RALYL: variants seen among roughly 807,000 people sequenced by gnomAD.
RALYL encodes RNA-binding Raly-like protein.
In RALYL, 29 loss-of-function variants were observed where a neutral mutation model predicts 35.1. That is an observed-to-expected ratio of 0.83 (90% CI 0.61 to 1.13). The LOEUF (loss-of-function observed/expected upper bound fraction) is 1.13, where lower values mean the gene tolerates loss of function less well. RALYL is among the 50% of genes most tolerant of loss of function. The pLI, the probability that RALYL is intolerant of heterozygous loss-of-function variation, is 0.00. For synonymous variants in RALYL, 120 were observed against 127.6 expected (o/e 0.94, Z 0.40); for missense variants, 359 against 360.4 (o/e 1.00, Z 0.03).
chr8:84,530,735 T>G lies in RALYL; in HGVS notation c.256+1158T>G, dbSNP rs2059224202. Among the ~76,000 whole-genome samples, 3 of 152,156 alleles carry G rather than the reference T, an allele frequency of 2.0e-5. No homozygotes were observed. The South Asian group carries it at 6.2e-4, about 31-fold the overall frequency. On this transcript the variant is annotated intron_variant, in intron 2 of 8. Coordinates refer to ENST00000521268, the MANE Select transcript of RALYL (RefSeq NM_173848.7). ...TCTTAACCTGCTTTTAAACCTCTAA[T>G]GCCTTTCTCATACAGAATAAGATTC... is the stretch of plus-strand genomic sequence containing the variant.
At chr8:84,876,298 G>A (rs924609067) in intron 7 of RALYL, among the ~76,000 whole-genome samples, 81 of 152,068 alleles carry the variant, frequency 5.3e-4, no homozygotes, top group African/African-American at 1.9e-3. Flanking sequence ...TGTATATTCT[G>A]GCTTCTAAAA....
At chr8:84,755,164 A>G (rs902684461) in intron 2 of RALYL, among the ~76,000 whole-genome samples, 2 of 152,202 alleles carry the variant, frequency 1.3e-5, no homozygotes, top group African/African-American at 4.8e-5. Flanking sequence ...ACAACATAGT[A>G]TGATGCTAGA....
At chr8:84,717,413 C>T (rs1252436406) in intron 2 of RALYL, among the ~76,000 whole-genome samples, 1 of 152,130 alleles carries the variant, frequency 6.6e-6, no homozygotes, top group African/African-American at 2.4e-5. Context: ...TCTTAGATTA[C>T]TACTGGCAGC....
intron 1 of RALYL, among the ~76,000 whole-genome samples, chr8:84,488,926 A>G (rs1308672471): frequency 6.6e-6 from 1 of 152,114 alleles, no homozygotes; most frequent in African/African-American, 2.4e-5. Context: ...TTTTAAAAGA[A>G]CTACTTCTTT....
rs144872528 is a variant in RALYL, at chr8:84,462,641, G to A, written c.-23-66658G>A. ...TGCATGTGGATATCCAGTTGTTCTG[G>A]CATCATTTGTTGTAAAAGGCTTCAT... On this transcript the variant is annotated intron_variant, in intron 1 of 8. Coordinates refer to ENST00000521268, the MANE Select transcript of RALYL (RefSeq NM_173848.7). Among the ~76,000 whole-genome samples, 428 of 143,340 alleles carry A rather than the reference G, an allele frequency of 3.0e-3. 1 individual carries two copies. The highest frequency in any genetic ancestry group is 0.011 in the African/African-American group (412 of 38,776). The allele number at this position is 143,340 out of a possible 152,430, so 94.0% of individuals were successfully genotyped here. A position where few individuals can be genotyped will look rare whatever the true frequency, so the allele number is the denominator to read the frequency against.
intron 3 of RALYL, among the ~76,000 whole-genome samples, chr8:84,784,050 G>A (rs1169629358): frequency 6.6e-6 from 1 of 151,626 alleles, no homozygotes; most frequent in Non-Finnish European, 1.5e-5. Context: ...AATTGGCAGT[G>A]CCATTTAAGG....
intron 8 of RALYL, among the ~76,000 whole-genome samples, chr8:84,889,346 G>A (rs796418888): frequency 1.3e-5 from 2 of 152,256 alleles, no homozygotes; most frequent in African/African-American, 4.8e-5. Context: ...CCTCCATGCT[G>A]CCATTTACAA....
At chr8:84,502,253 A>T (rs2056753452) in intron 1 of RALYL, among the ~76,000 whole-genome samples, 1 of 152,036 alleles carries the variant, frequency 6.6e-6, no homozygotes, top group African/African-American at 2.4e-5. Flanking sequence ...ACTATATAAT[A>T]TCTTGTGGGA....
chr8:84,507,272 C>A (rs1721707772), intron 1 of RALYL, among the ~76,000 whole-genome samples: 1 of 152,024 alleles, frequency 6.6e-6, no homozygotes, highest in African/African-American at 2.4e-5. Flanking sequence ...TGCAGGTACA[C>A]AGAATTAAAT....
chr8:84,265,530 G>A (rs1337396453), intron 1 of RALYL, among the ~76,000 whole-genome samples: 1 of 152,192 alleles, frequency 6.6e-6, no homozygotes, highest in Admixed American at 6.5e-5. Context: ...CCAGATGGAA[G>A]TGAATCCTAC....
intron 1 of RALYL, among the ~76,000 whole-genome samples, chr8:84,317,244 C>G (rs928911071): frequency 2.4e-5 from 2 of 84,632 alleles, no homozygotes; most frequent in Non-Finnish European, 2.3e-5. Context: ...GAGGGCAAAA[C>G]AAAGAATGAA....
chr8:84,639,148 C>T (rs552687474), intron 2 of RALYL, among the ~76,000 whole-genome samples: 24 of 151,238 alleles, frequency 1.6e-4, no homozygotes, highest in African/African-American at 5.6e-4. Context: ...TCGGGAGAAA[C>T]TTACTGGAAT....
chr8:84,539,659 A>G (rs868317397), intron 2 of RALYL, among the ~76,000 whole-genome samples: 2 of 151,790 alleles, frequency 1.3e-5, no homozygotes, highest in African/African-American at 2.4e-5. Flanking sequence ...TACTATTCAC[A>G]TTTAGACTTT....
intron 1 of RALYL, among the ~76,000 whole-genome samples, chr8:84,354,803 T>A (rs778314833): frequency 6.7e-6 from 1 of 150,208 alleles, no homozygotes; most frequent in Admixed American, 6.6e-5. Flanking sequence ...TTATGTTTAT[T>A]ACACTGAGAG....
At chr8:84,639,468 G>GA (rs1825863458) in intron 2 of RALYL, among the ~76,000 whole-genome samples, 2 of 151,892 alleles carry the variant, frequency 1.3e-5, no homozygotes, top group Admixed American at 1.3e-4. Context: ...AAAAAGTGAG[G>GA]AAAGGTATAG....
intron 1 of RALYL, among the ~76,000 whole-genome samples, chr8:84,523,660 C>T (rs1191337454): frequency 4.9e-5 from 2 of 41,014 alleles, no homozygotes; most frequent in Admixed American, 3.4e-4. Flanking sequence ...TGCTATCCCT[C>T]CCCCCTCCCC....
chr8:84,898,325 T>G (rs1018495568), intron 8 of RALYL, among the ~76,000 whole-genome samples: 3 of 151,412 alleles, frequency 2.0e-5, no homozygotes, highest in African/African-American at 7.3e-5. Flanking sequence ...AACAGTAGAG[T>G]TTTCAAAACT....
intron 3 of RALYL, among the ~76,000 whole-genome samples, chr8:84,784,125 T>C (rs1482231978): frequency 1.3e-5 from 2 of 152,204 alleles, no homozygotes; most frequent in Non-Finnish European, 2.9e-5. Flanking sequence ...GTTAGAACCC[T>C]GTGCTCCACC....
intron 2 of RALYL, among the ~76,000 whole-genome samples, chr8:84,747,531 A>T (rs1320271380): frequency 6.6e-6 from 1 of 151,918 alleles, no homozygotes; most frequent in Non-Finnish European, 1.5e-5. Flanking sequence ...ACTTTAGTAC[A>T]TCTGATTATC....
Sources: allele counts gnomAD v4.1 joint callset (sites outside exome capture counted in the v4.1 genomes callset), GRCh38; gene constraint gnomAD v4.1.1; transcripts MANE v1.5; gene names NCBI Gene and HGNC (gene_info 2026-07-23, HGNC 2026-07-21).